SGCD: variants seen among roughly 807,000 people sequenced by gnomAD.
SGCD encodes sarcoglycan delta, also known as delta-sarcoglycan.
Under a neutral mutation model 36.6 loss-of-function variants are expected in SGCD, and 18 were observed. The ratio of observed to expected loss-of-function variants is 0.49; its 90% confidence interval spans 0.34 to 0.73. The LOEUF (loss-of-function observed/expected upper bound fraction) is 0.73, where lower values mean the gene tolerates loss of function less well. SGCD is among the 30% of genes least tolerant of loss of function. The pLI, the probability that SGCD is intolerant of heterozygous loss-of-function variation, is 0.01. For synonymous variants in SGCD, 133 were observed against 130.6 expected, an observed-to-expected ratio of 1.02 and a Z score of -0.12; for missense variants, 387 against 346.7, an observed-to-expected ratio of 1.12 and a Z score of -0.92.
intron 1 of SGCD, among the ~76,000 whole-genome samples, chr5:155,966,515 C>A (rs925407799): frequency 6.6e-6 from 1 of 152,136 alleles, no homozygotes; most frequent in Non-Finnish European, 1.5e-5. Flanking sequence ...CATTTGGCAG[C>A]ATTTCTCTTG....
chr5:155,990,550 A>G (rs866836115), intron 1 of SGCD, among the ~76,000 whole-genome samples: 1 of 152,176 alleles, frequency 6.6e-6, no homozygotes, highest in Non-Finnish European at 1.5e-5. Flanking sequence ...TAAAATTGCA[A>G]TGAATGCCTT....
At chr5:156,487,980 A>C (rs1755769784) in intron 3 of SGCD, among the ~76,000 whole-genome samples, 1 of 130,558 alleles carries the variant, frequency 7.7e-6, no homozygotes, top group African/African-American at 2.8e-5. Flanking sequence ...ATATATATAT[A>C]TCAAAATGAA....
intron 3 of SGCD, among the ~76,000 whole-genome samples, chr5:156,164,022 C>CAAAAAA (rs1212346034): frequency 1.7e-5 from 1 of 58,484 alleles, no homozygotes. Context: ...GACTCTGTCT[C>CAAAAAA]AAAAAAAAAA....
At chr5:156,312,623 A>G (rs1006888557) in intron 3 of SGCD, among the ~76,000 whole-genome samples, 2 of 152,286 alleles carry the variant, frequency 1.3e-5, no homozygotes, top group African/African-American at 4.8e-5. Flanking sequence ...GTTGGATCCC[A>G]TCTTTATCTC....
At chr5:155,906,909 A>T (rs1346683457) in intron 1 of SGCD, among the ~76,000 whole-genome samples, 1 of 128,512 alleles carries the variant, frequency 7.8e-6, no homozygotes, top group African/African-American at 2.6e-5. Context: ...AATGCATATG[A>T]AACAGCCATC....
chr5:155,843,547 G>A, the SGCD span, among the ~76,000 whole-genome samples: 3 of 152,312 alleles, frequency 2.0e-5, no homozygotes, highest in East Asian at 5.8e-4. Context: ...TAAAGATTAT[G>A]TATCTCTTTC....
At chr5:156,372,865 ATATGGGTTTTGTAT>A (rs146746946) in intron 3 of SGCD, among the ~76,000 whole-genome samples, 18,986 of 152,120 alleles carry the variant, frequency 0.12, 1,427 homozygotes, top group Middle Eastern at 0.21. Flanking sequence ...GGAGCTTTGA[ATATGGGTTTTGTAT>A]TTTCCTTTTA....
chr5:156,071,225 G>T (rs1408292146), intron 1 of SGCD, among the ~76,000 whole-genome samples: 1 of 151,874 alleles, frequency 6.6e-6, no homozygotes, highest in African/African-American at 2.4e-5. Flanking sequence ...GTGATGTTAG[G>T]GTGTCAATTT....
In SGCD at chr5:155,895,177, A is replaced by G. The variant is rs374439134; in HGVS notation, c.-282+24753A>G. Among the ~76,000 whole-genome samples the G allele has an allele frequency of 3.9e-5, 6 of 152,338 alleles. No individual in the cohort carries two copies. The South Asian group carries it at 1.2e-3, about 32-fold the overall frequency. On this transcript the variant is annotated intron_variant, in intron 1 of 9. Coordinates refer to the SGCD transcript ENST00000517913. Reference sequence around the variant, plus strand: ...GTCAGTCTTCCTATCCGTACAAAACAAGGTGCAAGAACAACATGTCCACAT... The same window carrying G: ...GTCAGTCTTCCTATCCGTACAAAACGAGGTGCAAGAACAACATGTCCACAT...
the SGCD span, among the ~76,000 whole-genome samples, chr5:155,820,353 G>A: frequency 1.3e-5 from 2 of 152,096 alleles, no homozygotes; most frequent in Non-Finnish European, 2.9e-5. Context: ...GTGATCAGGT[G>A]ATCAATTAAA....
intron 7 of SGCD, among the ~76,000 whole-genome samples, chr5:156,701,026 T>A (rs896356304): frequency 6.6e-6 from 1 of 152,072 alleles, no homozygotes; most frequent in Non-Finnish European, 1.5e-5. Context: ...CTCATTTATC[T>A]GTACAGATTA....
At chr5:155,924,870 G>C (rs542710431) in intron 1 of SGCD, among the ~76,000 whole-genome samples, 4 of 152,164 alleles carry the variant, frequency 2.6e-5, no homozygotes, top group Non-Finnish European at 4.4e-5. Context: ...TGCTGTTTGT[G>C]TCATGTATAC....
chr5:155,729,502 G>T, the SGCD span, among the ~76,000 whole-genome samples: 1 of 152,262 alleles, frequency 6.6e-6, no homozygotes, highest in East Asian at 1.9e-4. Context: ...GGAGGTGCTA[G>T]TGAAATTTAT....
chr5:155,946,569 T>C (rs1021663811), intron 1 of SGCD, among the ~76,000 whole-genome samples: 4 of 152,198 alleles, frequency 2.6e-5, no homozygotes, highest in African/African-American at 7.2e-5. Flanking sequence ...AATCTCCTTC[T>C]CAATCTTCCT....
chr5:156,657,568 G>C (rs1581347773), intron 7 of SGCD, among the ~76,000 whole-genome samples: 1 of 151,700 alleles, frequency 6.6e-6, no homozygotes, highest in African/African-American at 2.4e-5. Context: ...TTCCAGATCA[G>C]CCTGGCCACC....
intron 7 of SGCD, among the ~76,000 whole-genome samples, chr5:156,669,617 A>T (rs914747947): frequency 6.6e-6 from 1 of 152,218 alleles, no homozygotes. Flanking sequence ...CCTTCAAGAC[A>T]GGGTATTATG....
At chr5:155,900,425 T>TTTA (rs1018022738) in intron 1 of SGCD, among the ~76,000 whole-genome samples, 12 of 151,648 alleles carry the variant, frequency 7.9e-5, no homozygotes, top group Non-Finnish European at 1.2e-4. Context: ...CTAGCTTTTT[T>TTTA]TTATTATTAT....
intron 4 of SGCD, among the ~76,000 whole-genome samples, chr5:156,515,804 A>T (rs561727469): frequency 6.6e-6 from 1 of 152,350 alleles, no homozygotes; most frequent in Admixed American, 6.5e-5. Flanking sequence ...GGGAGCTGCC[A>T]TCACTGTGCC....
At chr5:155,984,722 T>G (rs1332456235) in intron 1 of SGCD, among the ~76,000 whole-genome samples, 3 of 152,162 alleles carry the variant, frequency 2.0e-5, no homozygotes, top group African/African-American at 7.2e-5. Context: ...GTACTATAGC[T>G]CTCAGCTTGA....
Sources: gnomAD v4.1 joint callset for allele counts (sites outside exome capture counted in the v4.1 genomes callset) on GRCh38, gnomAD v4.1.1 for gene constraint, MANE v1.5 for transcripts, NCBI Gene and HGNC (gene_info 2026-07-23, HGNC 2026-07-21) for gene names.